The following DDX42 variants were observed in gnomAD, a reference collection of about 807,000 sequenced individuals.
The protein encoded by DDX42 is ATP-dependent RNA helicase DDX42.
A neutral mutation model predicts 101.5 loss-of-function variants in DDX42; 22 were observed. The ratio of observed to expected loss-of-function variants is 0.22; its 90% CI spans 0.15 to 0.31. The LOEUF is 0.31. Among genes scored for constraint, DDX42 ranks in the 10% least tolerant of loss-of-function variants. The pLI, the probability that DDX42 is intolerant of heterozygous loss-of-function variation, is 1.00. For synonymous variants in DDX42, 402 were observed against 401.2 expected (o/e 1.00, Z -0.02); for missense variants, 849 against 1,199.9 (o/e 0.71, Z 4.32).
chr17:63,782,636 T>TA (rs1420472306), intron 1 of DDX42, among the ~76,000 whole-genome samples: 1 of 152,214 alleles, frequency 6.6e-6, no homozygotes, highest in Non-Finnish European at 1.5e-5. Context: ...TTTCCTCAGA[T>TA]ATCTAAATAA....
chr17:63,786,700 C>T (rs763110108), intron 1 of DDX42, among the ~76,000 whole-genome samples: 9 of 151,784 alleles, frequency 5.9e-5, no homozygotes, highest in Non-Finnish European at 1.3e-4. Context: ...GTTTTTGAGA[C>T]GGAGTCTCGC....
Position 63,792,575 on chromosome 17 carries a change from A to G in DDX42, c.372+13A>G, listed in dbSNP as rs757733718. 5 of 1,600,148 alleles carry G rather than the reference A, an allele frequency of 3.1e-6. No homozygotes were observed. The highest frequency in any genetic ancestry group is 4.3e-6 in the Non-Finnish European group (5 of 1,173,286). On this transcript the variant is annotated intron_variant, in intron 3 of 17. Transcript: ENST00000389924. ...GGCTGAAGTGGAGGCAAGTATCAAC[A>G]TGTTTCATTAAAATATTTAGCAGTT...
chr17:63,817,464 C>CTA (rs1321304640), intron 17 of DDX42: 1 of 506,270 alleles, frequency 2.0e-6, no homozygotes, highest in Admixed American at 3.3e-5. Flanking sequence ...GCCAATCAGG[C>CTA]TATAAAAGTA....
At chr17:63,815,730 A>G in intron 16 of DDX42, 57 bp downstream of exon 16, 1 of 1,223,910 alleles carries the variant, frequency 8.2e-7, no homozygotes, top group Non-Finnish European at 1.2e-6. Context: ...CCTGAAAGTC[A>G]TTAGGAATAT....
intron 6 of DDX42, 95 bp from the exon 7 acceptor site, chr17:63,804,976 T>C (rs963373586): frequency 6.9e-7 from 1 of 1,446,914 alleles, no homozygotes; most frequent in East Asian, 2.5e-5. Flanking sequence ...TGGCTTTACT[T>C]GTGTAAAATT....
At chr17:63,781,056 C>T (rs552000316) in intron 1 of DDX42, among the ~76,000 whole-genome samples, 13 of 152,206 alleles carry the variant, frequency 8.5e-5, no homozygotes, top group African/African-American at 3.1e-4. Context: ...TCCTTCCTAT[C>T]ATTGATAAAC....
intron 1 of DDX42, among the ~76,000 whole-genome samples, chr17:63,780,367 T>G (rs1276639573): frequency 6.6e-6 from 1 of 152,024 alleles, no homozygotes; most frequent in African/African-American, 2.4e-5. Context: ...TTGAGGATGA[T>G]CTGGCTTAGA....
intron 7 of DDX42, chr17:63,805,859 C>T (rs1258498343): frequency 6.6e-6 from 1 of 152,226 alleles, no homozygotes; most frequent in Non-Finnish European, 1.5e-5. Flanking sequence ...TTACTCATCT[C>T]CCCAGTGACC....
intron 1 of DDX42, among the ~76,000 whole-genome samples, chr17:63,777,291 C>A (rs1407184630): frequency 6.6e-6 from 1 of 152,070 alleles, no homozygotes; most frequent in Non-Finnish European, 1.5e-5. Flanking sequence ...AGTTGTAGAT[C>A]TCCTTTAGTC....
chr17:63,779,584 G>T (rs986566297), intron 1 of DDX42, among the ~76,000 whole-genome samples: 6 of 151,592 alleles, frequency 4.0e-5, no homozygotes, highest in Non-Finnish European at 2.9e-5. Context: ...TCTTCTTTTG[G>T]TACTATCACC....
chr17:63,804,389 C>T (rs2039812778), intron 6 of DDX42, among the ~76,000 whole-genome samples: 2 of 152,068 alleles, frequency 1.3e-5, no homozygotes, highest in Non-Finnish European at 2.9e-5. Flanking sequence ...ATAGAAGTGA[C>T]TACTACTTTC....
chr17:63,808,016 A>G, intron 9 of DDX42, 116 bp downstream of exon 9: 1 of 916,700 alleles, frequency 1.1e-6, no homozygotes, highest in South Asian at 1.9e-5. Flanking sequence ...AGATACACAC[A>G]AAATTGATTA....
chr17:63,789,565 G>GTTTGT (rs2039598471), intron 2 of DDX42, among the ~76,000 whole-genome samples: 2 of 36,360 alleles, frequency 5.5e-5, no homozygotes, highest in African/African-American at 3.8e-4. Context: ...TTTTGTTTTT[G>GTTTGT]TTTTTGTTTT....
chr17:63,789,972 C>G (rs991613943), intron 2 of DDX42, among the ~76,000 whole-genome samples: 4 of 152,116 alleles, frequency 2.6e-5, no homozygotes, highest in Non-Finnish European at 5.9e-5. Context: ...AGTCAGAGAT[C>G]ATTATTCTAA....
At position 63,818,770 on chromosome 17, in the gene DDX42, CT is replaced by C. The variant is rs1301432767; in HGVS notation, c.*377del. 6.0e-6 allele frequency: 1 copy of C among 167,960 alleles called. No individual in the cohort carries two copies. Among genetic ancestry groups the C allele is most frequent in the Non-Finnish European group, 1.3e-5 (1 of 76,380 alleles). 10.4% of individuals were successfully genotyped at this position (167,960 alleles called of 1,614,324 possible). A position where few individuals can be genotyped will look rare whatever the true frequency, so the allele number is the denominator to read the frequency against. The stretch of plus-strand genomic sequence containing the variant: ...CTTATAAGCATCTATAAATTGACTT[CT>C]TTTTCTTAGTTGTATGGCCAGGCAG... On this transcript the variant is annotated 3_prime_UTR_variant, in exon 18 of 18. Transcript: ENST00000389924.
intron 17 of DDX42, chr17:63,817,174 T>C: frequency 1.9e-6 from 1 of 521,082 alleles, no homozygotes; most frequent in East Asian, 3.3e-5. Flanking sequence ...TGGTCTACTT[T>C]GAGTCACACT....
intron 1 of DDX42, among the ~76,000 whole-genome samples, chr17:63,775,566 G>C (rs2039410646): frequency 6.6e-6 from 1 of 152,150 alleles, no homozygotes; most frequent in Admixed American, 6.5e-5. Flanking sequence ...GGACTAGAAG[G>C]TGGAGTGAGA....
At chr17:63,803,467 C>T (rs924017840) in intron 6 of DDX42, among the ~76,000 whole-genome samples, 1 of 147,808 alleles carries the variant, frequency 6.8e-6, no homozygotes, top group Non-Finnish European at 1.5e-5. Context: ...ACTCAGGAGG[C>T]TGAGGCAGGG....
At chr17:63,794,341 C>G (rs2039666302) in intron 3 of DDX42, among the ~76,000 whole-genome samples, 1 of 151,486 alleles carries the variant, frequency 6.6e-6, no homozygotes, top group Non-Finnish European at 1.5e-5. Context: ...TCTAGGAGTT[C>G]AAGATCAGCC....
Sources: gnomAD v4.1 joint callset for allele counts (sites outside exome capture counted in the v4.1 genomes callset) on GRCh38, gnomAD v4.1.1 for gene constraint, MANE v1.5 for transcripts, NCBI Gene and HGNC (gene_info 2026-07-23, HGNC 2026-07-21) for gene names.